The following TENM3 variants were observed in gnomAD, a reference collection of about 807,000 sequenced individuals.
TENM3 encodes the protein teneurin-3.
Under a neutral mutation model 255.1 loss-of-function variants are expected in TENM3, and 63 were observed. The ratio of observed to expected loss-of-function variants is 0.25; its 90% confidence interval spans 0.20 to 0.30. TENM3 has a LOEUF of 0.30. Ranked by LOEUF, TENM3 falls within the 10% of genes least tolerant of loss-of-function variation. TENM3 has a pLI of 1.00. For synonymous variants in TENM3, 1,306 were observed against 1,322.3 expected, an observed-to-expected ratio of 0.99 and a Z score of 0.27; for missense variants, 2,929 against 3,461.1, an observed-to-expected ratio of 0.85 and a Z score of 3.86.
At chr4:182,611,015 G>A (rs1455340585) in intron 4 of TENM3, among the ~76,000 whole-genome samples, 2 of 149,614 alleles carry the variant, frequency 1.3e-5, no homozygotes, top group African/African-American at 2.5e-5. Flanking sequence ...CCAAATTGTT[G>A]TGATTATAGG....
intron 1 of TENM3, among the ~76,000 whole-genome samples, chr4:182,279,271 C>CAT (rs1327900153): frequency 6.6e-6 from 1 of 151,746 alleles, no homozygotes; most frequent in Non-Finnish European, 1.5e-5. Flanking sequence ...TATATATATG[C>CAT]ATATATATGT....
the TENM3 span, among the ~76,000 whole-genome samples, chr4:182,068,192 G>A: frequency 1.3e-5 from 2 of 152,196 alleles, no homozygotes; most frequent in African/African-American, 4.8e-5. Flanking sequence ...CAAACCCTTT[G>A]CGGATAGAAT....
chr4:181,920,511 T>G, the TENM3 span, among the ~76,000 whole-genome samples: 1 of 152,366 alleles, frequency 6.6e-6, no homozygotes, highest in African/African-American at 2.4e-5. Context: ...TTCATGTGTT[T>G]TTTGGCTGCA....
intron 6 of TENM3, among the ~76,000 whole-genome samples, chr4:182,660,647 A>G (rs2309696): frequency 0.027 from 4,166 of 152,318 alleles, 177 homozygotes; most frequent in African/African-American, 0.094. Context: ...GCAATAATGG[A>G]AATCCCCATC....
chr4:182,386,725 C>T (rs1031663255), intron 3 of TENM3, among the ~76,000 whole-genome samples: 2 of 152,186 alleles, frequency 1.3e-5, no homozygotes, highest in African/African-American at 2.4e-5. Flanking sequence ...TACTGGGTCC[C>T]CCAGCAGTGC....
the TENM3 span, among the ~76,000 whole-genome samples, chr4:181,708,728 C>T: frequency 6.6e-6 from 1 of 152,136 alleles, no homozygotes; most frequent in African/African-American, 2.4e-5. Flanking sequence ...GCCAGAGACT[C>T]TGATCTGACT....
chr4:181,505,894 C>T, the TENM3 span, among the ~76,000 whole-genome samples: 5 of 152,136 alleles, frequency 3.3e-5, no homozygotes, highest in South Asian at 4.1e-4. Flanking sequence ...AAATAGAGGG[C>T]CTCACTTCCT....
At chr4:181,499,371 A>C in the TENM3 span, among the ~76,000 whole-genome samples, 1 of 152,228 alleles carries the variant, frequency 6.6e-6, no homozygotes, top group African/African-American at 2.4e-5. Flanking sequence ...ATTTTCAGTC[A>C]ATGATAGCAT....
chr4:181,702,241 G>A, the TENM3 span, among the ~76,000 whole-genome samples: 70 of 152,264 alleles, frequency 4.6e-4, no homozygotes, highest in East Asian at 0.013. Context: ...TCGTTTTTCT[G>A]TCCTTCGGTC....
chr4:182,387,514 A>G (rs1768042319), intron 3 of TENM3, among the ~76,000 whole-genome samples: 1 of 152,164 alleles, frequency 6.6e-6, no homozygotes, highest in African/African-American at 2.4e-5. Flanking sequence ...TGCCGGAGCC[A>G]GCAGTGGCAA....
At chr4:182,526,371 G>A (rs995505396) in intron 3 of TENM3, among the ~76,000 whole-genome samples, 19 of 152,042 alleles carry the variant, frequency 1.2e-4, no homozygotes, top group African/African-American at 4.6e-4. Context: ...GTTGTGATTG[G>A]TCGTCCCCTC....
chr4:181,545,948 G>T, the TENM3 span, among the ~76,000 whole-genome samples: 1 of 152,076 alleles, frequency 6.6e-6, no homozygotes, highest in African/African-American at 2.4e-5. Flanking sequence ...TGCAGAAAAA[G>T]TGCACATATA....
the TENM3 span, among the ~76,000 whole-genome samples, chr4:182,107,354 C>T: frequency 1.3e-5 from 2 of 152,136 alleles, no homozygotes; most frequent in Admixed American, 6.6e-5. Context: ...AGCAGCCCAC[C>T]CTGGGTTTTA....
At chr4:181,652,267 T>C in the TENM3 span, among the ~76,000 whole-genome samples, 1 of 152,206 alleles carries the variant, frequency 6.6e-6, no homozygotes, top group Non-Finnish European at 1.5e-5. Context: ...GTCATCATTA[T>C]TGGACCAATC....
chr4:181,479,443 T>TA, the TENM3 span, among the ~76,000 whole-genome samples: 4 of 152,160 alleles, frequency 2.6e-5, no homozygotes, highest in Non-Finnish European at 4.4e-5. Flanking sequence ...CCAGAGGACT[T>TA]AAAAAACCTT....
chr4:182,072,495 A>G, the TENM3 span, among the ~76,000 whole-genome samples: 2 of 152,166 alleles, frequency 1.3e-5, no homozygotes, highest in South Asian at 4.1e-4. Context: ...CTTTACCTCA[A>G]AACCTTAGCT....
At chr4:182,140,997 C>G (rs982939146), upstream of TENM3, among the ~76,000 whole-genome samples, 9 of 147,368 alleles carry the variant, frequency 6.1e-5, no homozygotes, top group African/African-American at 1.5e-4. Context: ...CCCTCCCCCC[C>G]GCCCCCCAGC....
chr4:181,988,086 G>A, the TENM3 span, among the ~76,000 whole-genome samples: 2 of 152,038 alleles, frequency 1.3e-5, no homozygotes, highest in African/African-American at 4.8e-5. Context: ...AAAGAAATAG[G>A]ATCTGTCCCT....
the TENM3 span, among the ~76,000 whole-genome samples, chr4:181,801,649 AAAAT>A: frequency 3.5e-5 from 4 of 113,426 alleles, no homozygotes; most frequent in South Asian, 5.4e-4. Context: ...AAAGAATTGT[AAAAT>A]ATATATATAT....
Sources: gnomAD v4.1 joint callset for allele counts (sites outside exome capture counted in the v4.1 genomes callset) on GRCh38, gnomAD v4.1.1 for gene constraint, MANE v1.5 for transcripts, NCBI Gene and HGNC (gene_info 2026-07-23, HGNC 2026-07-21) for gene names.